Variants in DNMBP observed in about 807,000 individuals in gnomAD.
DNMBP encodes the protein dynamin-binding protein.
In DNMBP, 87 loss-of-function variants were observed where a neutral mutation model predicts 150.0. The ratio of observed to expected loss-of-function variants is 0.58; its 90% confidence interval spans 0.49 to 0.69. The LOEUF is 0.69. Ranked by LOEUF, DNMBP falls within the 30% of genes least tolerant of loss-of-function variation. DNMBP has a pLI of 0.00. For synonymous variants in DNMBP, 711 were observed against 750.4 expected (o/e 0.95, Z 0.86); for missense variants, 1,774 against 1,949.0 (o/e 0.91, Z 1.69).
intron 4 of DNMBP, among the ~76,000 whole-genome samples, chr10:99,940,690 C>T (rs1024837396): frequency 1.3e-5 from 2 of 152,168 alleles, no homozygotes; most frequent in African/African-American, 4.8e-5. Context: ...CAAAACTCTT[C>T]GAAAGACTTT....
intron 15 of DNMBP, 72 bp downstream of exon 15, chr10:99,883,939 C>G (rs1273352115): frequency 6.9e-6 from 10 of 1,451,602 alleles, no homozygotes; most frequent in African/African-American, 1.4e-5. Context: ...CTGGCCTAGT[C>G]CAGATTCGGG....
chr10:100,005,980 C>T (rs940924372), intron 1 of DNMBP, among the ~76,000 whole-genome samples: 3 of 152,092 alleles, frequency 2.0e-5, no homozygotes, highest in African/African-American at 7.2e-5. Flanking sequence ...AGATTCCTTG[C>T]GTGTTATAAA....
intron 4 of DNMBP, among the ~76,000 whole-genome samples, chr10:99,925,674 C>G (rs983584985): frequency 1.6e-4 from 24 of 152,094 alleles, no homozygotes; most frequent in Admixed American, 1.6e-3. Context: ...CTCGGCCTCC[C>G]AAAGTGCTGG....
In DNMBP at chr10:99,877,176, T is replaced by C. The variant is rs758023853; in HGVS notation, c.4709A>G (p.Tyr1570Cys). 1 of 1,612,478 alleles carries C rather than the reference T, an allele frequency of 6.2e-7. No individual in the cohort carries two copies. Among genetic ancestry groups the C allele is most frequent in the Non-Finnish European group, 8.5e-7 (1 of 1,179,404 alleles). ...NGKKGYVPSNYIRKTEYT is the reference protein window; with the variant it reads ...NGKKGYVPSNCIRKTEYT ...TCAGGTGTACTCGGTTTTGCGGATA[T>C]AATTGGAGGGAACGTAGCCCTTCTT... Residue 1570 changes from tyrosine (Y) to cysteine (C), a missense_variant, in exon 17 of 17, where the codon TAT becomes TGT. Tyr to Cys is a radical substitution (Grantham distance 194). Around this residue, in one of 2 missense-constraint regions of DNMBP, gnomAD observed 1,430 missense variants for 1,492.5 expected, o/e 0.96. Coordinates refer to ENST00000324109, the MANE Select transcript of DNMBP (RefSeq NM_015221.4).
chr10:99,947,691 C>T (rs1412708122), intron 4 of DNMBP, among the ~76,000 whole-genome samples: 1 of 152,116 alleles, frequency 6.6e-6, no homozygotes, highest in South Asian at 2.1e-4. Context: ...ACCCTTGTAA[C>T]AAATCTGCAT....
intron 9 of DNMBP, among the ~76,000 whole-genome samples, chr10:99,896,884 G>GAGAT (rs1216204542): frequency 6.6e-6 from 1 of 152,176 alleles, no homozygotes; most frequent in African/African-American, 2.4e-5. Context: ...GAAAAGTGTA[G>GAGAT]AGATAAAAGT....
intron 7 of DNMBP, 146 bp from the exon 8 acceptor site, chr10:99,898,906 G>T: frequency 1.2e-6 from 1 of 830,106 alleles, no homozygotes. Flanking sequence ...AAAAATGTTA[G>T]CCCCGGCCAG....
intron 4 of DNMBP, chr10:99,913,865 C>T (rs1262395510): frequency 7.2e-6 from 9 of 1,249,422 alleles, no homozygotes; most frequent in East Asian, 6.3e-5. Flanking sequence ...TTTGAGCTCC[C>T]GGCCAGATCC....
At chr10:99,920,174 C>T (rs1211422817) in intron 4 of DNMBP, among the ~76,000 whole-genome samples, 1 of 151,712 alleles carries the variant, frequency 6.6e-6, no homozygotes, top group African/African-American at 2.4e-5. Context: ...CTCCTGGGTT[C>T]AAGCAATTCT....
intron 1 of DNMBP, among the ~76,000 whole-genome samples, chr10:99,989,743 T>C (rs947921584): frequency 6.6e-6 from 1 of 152,098 alleles, no homozygotes; most frequent in South Asian, 2.1e-4. Context: ...TGAACCCAAA[T>C]GGAAGACTAT....
At chr10:99,893,920 C>T (rs558678049) in intron 11 of DNMBP, among the ~76,000 whole-genome samples, 2 of 152,240 alleles carry the variant, frequency 1.3e-5, no homozygotes, top group Admixed American at 1.3e-4. Context: ...TTTTACTTAG[C>T]CCTTTGGTAC....
intron 6 of DNMBP, among the ~76,000 whole-genome samples, chr10:99,904,812 G>C (rs1206869415): frequency 6.6e-6 from 1 of 152,170 alleles, no homozygotes; most frequent in Non-Finnish European, 1.5e-5. Context: ...TTATGGAGGT[G>C]GGGCTATGGA....
At position 99,969,238 on chromosome 10, in the gene DNMBP, CT is replaced by C; in HGVS notation, c.146-2del. On this transcript the variant is annotated splice_acceptor_variant, in intron 2 of 16. Coordinates refer to ENST00000324109, the MANE Select transcript of DNMBP (RefSeq NM_015221.4). LOFTEE classifies it high-confidence loss of function. ...TCCACAAAACTGCTGGGGAATTGTC[CT>C]GAAAATAAAAGCAAACATATTAAAT... 1.2e-6 allele frequency: 2 copies of C among 1,613,806 alleles called. No individual in the cohort carries two copies. Among genetic ancestry groups the C allele is most frequent in the Non-Finnish European group, 8.5e-7 (1 of 1,179,886 alleles).
chr10:99,878,314 G>T (rs2039307640), intron 16 of DNMBP, among the ~76,000 whole-genome samples: 1 of 152,180 alleles, frequency 6.6e-6, no homozygotes, highest in Non-Finnish European at 1.5e-5. Flanking sequence ...AAGCCATGAG[G>T]CCCATGGGGG....
intron 1 of DNMBP, among the ~76,000 whole-genome samples, chr10:100,007,821 T>C (rs2041091854): frequency 6.6e-6 from 1 of 152,228 alleles, no homozygotes; most frequent in Non-Finnish European, 1.5e-5. Context: ...CATAATTAAC[T>C]CCTGACCAAC....
At chr10:99,893,094 A>T (rs2039597875) in intron 11 of DNMBP, among the ~76,000 whole-genome samples, 1 of 152,264 alleles carries the variant, frequency 6.6e-6, no homozygotes, top group African/African-American at 2.4e-5. Context: ...TGACAATTTA[A>T]ACTATATTGA....
intron 1 of DNMBP, among the ~76,000 whole-genome samples, chr10:99,983,182 G>A (rs567621968): frequency 3.9e-5 from 6 of 152,088 alleles, no homozygotes; most frequent in Non-Finnish European, 8.8e-5. Flanking sequence ...CTTATGTTTT[G>A]GAACTGCTTT....
At chr10:99,931,039 G>T in intron 4 of DNMBP, 1 of 341,634 alleles carries the variant, frequency 2.9e-6, no homozygotes, top group Non-Finnish European at 5.2e-6. Flanking sequence ...AGCTTTGTTT[G>T]GTGTTTCCCT....
At chr10:99,923,251 T>C (rs2040043011) in intron 4 of DNMBP, among the ~76,000 whole-genome samples, 1 of 152,094 alleles carries the variant, frequency 6.6e-6, no homozygotes, top group African/African-American at 2.4e-5. Flanking sequence ...TAGCCAGGTG[T>C]GGTGGCACAT....
Sources: allele counts gnomAD v4.1 joint callset (sites outside exome capture counted in the v4.1 genomes callset), GRCh38; gene constraint gnomAD v4.1.1; regional missense constraint gnomAD v4.1.1; transcripts MANE v1.5; gene names NCBI Gene and HGNC (gene_info 2026-07-23, HGNC 2026-07-21).